Variants in STXBP5L observed in about 807,000 individuals in gnomAD.
STXBP5L encodes syntaxin binding protein 5L.
A neutral mutation model predicts 144.5 loss-of-function variants in STXBP5L; 65 were observed. That is an observed-to-expected ratio of 0.45 (90% confidence interval 0.37 to 0.55). STXBP5L has a LOEUF of 0.55. Ranked by LOEUF, STXBP5L falls within the 20% of genes least tolerant of loss-of-function variation. The pLI is 0.00. For synonymous variants in STXBP5L, 505 were observed against 469.6 expected, an observed-to-expected ratio of 1.08 and a Z score of -0.97; for missense variants, 1,298 against 1,405.5, an observed-to-expected ratio of 0.92 and a Z score of 1.22.
At chr3:121,354,474 G>C (rs1237595400) in intron 20 of STXBP5L, among the ~76,000 whole-genome samples, 2 of 136,782 alleles carry the variant, frequency 1.5e-5, no homozygotes, top group Non-Finnish European at 3.1e-5. Context: ...TTGGTTTAAA[G>C]TCTCTTTTGT....
At chr3:121,026,552 A>G (rs953635747) in intron 3 of STXBP5L, among the ~76,000 whole-genome samples, 1 of 152,046 alleles carries the variant, frequency 6.6e-6, no homozygotes, top group South Asian at 2.1e-4. Context: ...ACAGTGCTCA[A>G]TGGTTTGGCA....
At chr3:121,086,205 C>G (rs2042484124) in intron 5 of STXBP5L, among the ~76,000 whole-genome samples, 1 of 151,956 alleles carries the variant, frequency 6.6e-6, no homozygotes, top group African/African-American at 2.4e-5. Flanking sequence ...GTATTTAGCA[C>G]TACACATTTC....
chr3:121,185,394 T>C (rs914172436), intron 9 of STXBP5L, among the ~76,000 whole-genome samples: 1 of 152,194 alleles, frequency 6.6e-6, no homozygotes. Context: ...CTGAATGGTA[T>C]TGCCTAGGTT....
intron 10 of STXBP5L, among the ~76,000 whole-genome samples, chr3:121,212,368 T>C (rs2048609553): frequency 6.6e-6 from 1 of 152,224 alleles, no homozygotes; most frequent in Non-Finnish European, 1.5e-5. Context: ...AAGTCTTTAA[T>C]CCATCTTGTG....
At chr3:121,100,451 C>G (rs1195610280) in intron 5 of STXBP5L, among the ~76,000 whole-genome samples, 1 of 152,006 alleles carries the variant, frequency 6.6e-6, no homozygotes, top group African/African-American at 2.4e-5. Context: ...CTTTTATTAC[C>G]ACACAATTAC....
intron 9 of STXBP5L, among the ~76,000 whole-genome samples, chr3:121,199,160 G>A (rs1056239072): frequency 3.9e-5 from 6 of 152,094 alleles, no homozygotes; most frequent in Admixed American, 1.3e-4. Context: ...TGATTACCTC[G>A]CAGTGGTTTG....
At chr3:121,390,418 G>C (rs1031693275) in intron 22 of STXBP5L, among the ~76,000 whole-genome samples, 4 of 152,124 alleles carry the variant, frequency 2.6e-5, no homozygotes, top group African/African-American at 9.7e-5. Flanking sequence ...GTGTGAATTT[G>C]ATCCTGTCAT....
intron 19 of STXBP5L, among the ~76,000 whole-genome samples, chr3:121,287,615 G>A (rs1201975997): frequency 6.6e-6 from 1 of 152,020 alleles, no homozygotes; most frequent in Non-Finnish European, 1.5e-5. Flanking sequence ...TGGATCACGA[G>A]GTCAGGGGTT....
chr3:121,171,771 A>G (rs1018089688), intron 9 of STXBP5L, among the ~76,000 whole-genome samples: 3 of 152,226 alleles, frequency 2.0e-5, no homozygotes, highest in Non-Finnish European at 2.9e-5. Flanking sequence ...AAATGGCCAT[A>G]CTGCCCAAAG....
intron 7 of STXBP5L, among the ~76,000 whole-genome samples, chr3:121,129,874 C>A (rs964869587): frequency 6.6e-6 from 1 of 151,978 alleles, no homozygotes; most frequent in African/African-American, 2.4e-5. Context: ...ATCCAGGGGC[C>A]TGTACCAGAT....
chr3:121,027,384 A>AG (rs1433369060), intron 3 of STXBP5L, among the ~76,000 whole-genome samples: 1 of 152,144 alleles, frequency 6.6e-6, no homozygotes, highest in Non-Finnish European at 1.5e-5. Context: ...GCATCCATGT[A>AG]GGGTAAGTCC....
intron 2 of STXBP5L, among the ~76,000 whole-genome samples, chr3:120,919,000 G>A (rs1709238296): frequency 6.6e-6 from 1 of 152,054 alleles, no homozygotes; most frequent in Admixed American, 6.6e-5. Flanking sequence ...TTTAAGGAAT[G>A]GGAAAAAGAA....
chr3:120,936,968 G>A (rs2107638602), intron 2 of STXBP5L, among the ~76,000 whole-genome samples: 1 of 152,260 alleles, frequency 6.6e-6, no homozygotes, highest in African/African-American at 2.4e-5. Flanking sequence ...GTGAGCCTGT[G>A]TCCTTGGGCT....
chr3:121,271,941 T>C (rs146207068), intron 18 of STXBP5L, among the ~76,000 whole-genome samples: 1 of 152,346 alleles, frequency 6.6e-6, no homozygotes, highest in African/African-American at 2.4e-5. Flanking sequence ...GAGATATTTG[T>C]CCATTTTAAA....
intron 3 of STXBP5L, among the ~76,000 whole-genome samples, chr3:121,023,739 C>T (rs1341029099): frequency 6.6e-6 from 1 of 152,046 alleles, no homozygotes; most frequent in Non-Finnish European, 1.5e-5. Flanking sequence ...CAAGATGGAT[C>T]AAAGACTTAA....
chr3:121,349,400 G>A (rs1390107619), intron 20 of STXBP5L, among the ~76,000 whole-genome samples: 1 of 150,004 alleles, frequency 6.7e-6, no homozygotes, highest in African/African-American at 2.5e-5. Context: ...TTTTGGAATA[G>A]GTGTGGTGTG....
At chr3:121,418,256 C>G in intron 25 of STXBP5L, 81 bp from the exon 26 acceptor site, 1 of 1,410,774 alleles carries the variant, frequency 7.1e-7, no homozygotes, top group Non-Finnish European at 9.6e-7. Context: ...GAATGTAATA[C>G]TAGTACTTTG....
intron 15 of STXBP5L, among the ~76,000 whole-genome samples, chr3:121,251,482 G>A (rs748933278): frequency 6.6e-6 from 1 of 152,150 alleles, no homozygotes; most frequent in Non-Finnish European, 1.5e-5. Context: ...TTTAGTGTGA[G>A]TTTTGGAAGT....
At position 121,276,073 on chromosome 3, in the gene STXBP5L, T is replaced by C. The variant is rs572792745; in HGVS notation, c.1959-3732T>C. 2.2e-3 allele frequency among the ~76,000 whole-genome samples: 328 copies of C among 148,222 alleles called. 1 individual carries two copies. Among genetic ancestry groups the C allele is most frequent in the Non-Finnish European group, 3.8e-3 (252 of 66,650 alleles). On this transcript the variant is annotated intron_variant, in intron 18 of 26. Transcript: ENST00000471454. ...TTTCTCTTTGTCCCCCCACTCCCCC[T>C]TTTTTTTTTCTTCTTTTTCTCTGCC...
Sources: gnomAD v4.1 joint callset for allele counts (sites outside exome capture counted in the v4.1 genomes callset) on GRCh38, gnomAD v4.1.1 for gene constraint, MANE v1.5 for transcripts, NCBI Gene and HGNC (gene_info 2026-07-23, HGNC 2026-07-21) for gene names.